CHODL: variants seen among roughly 807,000 people sequenced by gnomAD.
CHODL encodes the protein transmembrane protein MT75.
A neutral mutation model predicts 34.5 loss-of-function variants in CHODL; 29 were observed. That is an observed-to-expected ratio of 0.84 (90% confidence interval 0.63 to 1.15). The LOEUF (loss-of-function observed/expected upper bound fraction) is 1.15, where lower values mean the gene tolerates loss of function less well. Among genes scored for constraint, CHODL ranks in the 50% most tolerant of loss-of-function variants. The probability of loss-of-function intolerance (pLI) is 0.00; values close to 1 mark genes in which losing one functional copy is unlikely to be tolerated. For synonymous variants in CHODL, 125 were observed against 116.1 expected (o/e 1.08, Z -0.49); for missense variants, 332 against 332.5 (o/e 1.00, Z 0.01).
intron 1 of CHODL, among the ~76,000 whole-genome samples, chr21:17,923,343 G>GT (rs1431761624): frequency 6.6e-6 from 1 of 151,162 alleles, no homozygotes; most frequent in Non-Finnish European, 1.5e-5. Flanking sequence ...TGAGGTAGGT[G>GT]TAAGCATGGG....
chr21:18,180,068 C>T (rs1228377144), intron 2 of CHODL, among the ~76,000 whole-genome samples: 1 of 152,086 alleles, frequency 6.6e-6, no homozygotes. Context: ...ATTAAATGAG[C>T]TGACTCATGT....
At chr21:18,166,814 C>T (rs2073158853) in intron 2 of CHODL, among the ~76,000 whole-genome samples, 1 of 151,948 alleles carries the variant, frequency 6.6e-6, no homozygotes, top group South Asian at 2.1e-4. Context: ...CCATAGATTC[C>T]TTTTATTGTC....
intron 1 of CHODL, among the ~76,000 whole-genome samples, chr21:17,990,468 C>T (rs2063788324): frequency 6.6e-6 from 1 of 152,004 alleles, no homozygotes; most frequent in Non-Finnish European, 1.5e-5. Flanking sequence ...TTGCCTTTAG[C>T]CAAAATACTG....
intron 2 of CHODL, among the ~76,000 whole-genome samples, chr21:18,184,252 T>C (rs115251787): frequency 0.02 from 3,082 of 152,266 alleles, 116 homozygotes; most frequent in African/African-American, 0.068. Flanking sequence ...CTAATTTCAG[T>C]GTTTGAAAGT....
intron 2 of CHODL, among the ~76,000 whole-genome samples, chr21:18,136,617 G>A (rs75165153): frequency 0.08 from 12,115 of 151,182 alleles, 612 homozygotes; most frequent in Middle Eastern, 0.19. Flanking sequence ...GGGAGTGTGT[G>A]TGTGCGTGCG....
intron 2 of CHODL, among the ~76,000 whole-genome samples, chr21:18,054,318 A>T (rs1252464603): frequency 6.6e-6 from 1 of 151,762 alleles, no homozygotes; most frequent in East Asian, 1.9e-4. Context: ...TTCTACAAAC[A>T]TTTTTTTCTC....
At chr21:17,919,610 A>T (rs1282685279) in intron 1 of CHODL, among the ~76,000 whole-genome samples, 1 of 152,092 alleles carries the variant, frequency 6.6e-6, no homozygotes, top group Non-Finnish European at 1.5e-5. Flanking sequence ...GGCTGCCACA[A>T]ACCACAAAGG....
rs191846208 is a variant in CHODL at position 18,202,397 on chromosome 21, A to G, written c.-44-54112A>G. On this transcript the variant is annotated intron_variant, in intron 2 of 6. Coordinates refer to the CHODL transcript ENST00000400127. The stretch of plus-strand genomic sequence containing the variant: ...GTTCACAGGGTAGAACCCTAACTCA[A>G]TAGAATTAGTTTCCTTATGAAAAGA... Among the ~76,000 whole-genome samples the G allele has an allele frequency of 3.9e-5, 6 of 152,296 alleles. No homozygotes were observed. In the East Asian group the frequency reaches 1.2e-3, roughly 29 times the overall value.
intron 1 of CHODL, among the ~76,000 whole-genome samples, chr21:17,976,270 G>GGAA (rs2063661647): frequency 1.5e-5 from 1 of 66,536 alleles, no homozygotes; most frequent in Non-Finnish European, 3.2e-5. Context: ...GACCATCTCA[G>GGAA]AAAAAAAAAA....
chr21:18,094,636 C>A (rs879433797), intron 2 of CHODL, among the ~76,000 whole-genome samples: 1 of 150,402 alleles, frequency 6.6e-6, no homozygotes, highest in Non-Finnish European at 1.5e-5. Context: ...AGAAGGAAAT[C>A]GAAAACTTTC....
intron 1 of CHODL, among the ~76,000 whole-genome samples, chr21:17,998,546 A>C (rs1341571616): frequency 2.6e-5 from 4 of 152,020 alleles, no homozygotes; most frequent in African/African-American, 9.7e-5. Context: ...CCCCTGCAGC[A>C]AACTTTTGCC....
chr21:18,005,148 C>T (rs1369469973), intron 1 of CHODL, among the ~76,000 whole-genome samples: 1 of 152,226 alleles, frequency 6.6e-6, no homozygotes, highest in Non-Finnish European at 1.5e-5. Context: ...AGCCTGAACG[C>T]TGTGGCCAGA....
chr21:17,980,536 G>A (rs185376623), intron 1 of CHODL, among the ~76,000 whole-genome samples: 23 of 152,262 alleles, frequency 1.5e-4, no homozygotes, highest in Non-Finnish European at 3.2e-4. Context: ...GCCTGTACTT[G>A]AAAACGTTGT....
At chr21:18,187,717 A>C (rs1213889808) in intron 2 of CHODL, among the ~76,000 whole-genome samples, 1 of 152,118 alleles carries the variant, frequency 6.6e-6, no homozygotes, top group Non-Finnish European at 1.5e-5. Context: ...GTTCTATTGC[A>C]AATCTCATTC....
rs1206176209 is a variant in CHODL at position 18,092,778 on chromosome 21, CAAAG to C, written c.-45+64811_-45+64814del. The stretch of plus-strand genomic sequence containing the variant: ...TTTGAAAATACAAAGTCAGAGGAGA[CAAAG>C]AAAAAAGAATACAAAACAGTAAAGC... On this transcript the variant is annotated intron_variant, in intron 2 of 6. Transcript: ENST00000400127. 2.6e-5 allele frequency among the ~76,000 whole-genome samples: 4 copies of C among 151,696 alleles called. No individual in the cohort carries two copies. In the East Asian group the frequency reaches 5.8e-4, roughly 22 times the overall value.
intron 2 of CHODL, among the ~76,000 whole-genome samples, chr21:18,154,182 G>GT (rs1385075467): frequency 6.6e-6 from 1 of 152,154 alleles, no homozygotes; most frequent in East Asian, 1.9e-4. Context: ...AAAGGCTTAT[G>GT]TATTATACAT....
intron 2 of CHODL, among the ~76,000 whole-genome samples, chr21:18,101,048 G>A (rs1419392055): frequency 2.0e-5 from 3 of 152,122 alleles, no homozygotes; most frequent in East Asian, 1.9e-4. Flanking sequence ...ATCTCATCTT[G>A]TAGCTCAATG....
chr21:18,218,989 C>G (rs2207382), intron 2 of CHODL, among the ~76,000 whole-genome samples: 41,272 of 152,038 alleles, frequency 0.27, 6,257 homozygotes, highest in African/African-American at 0.42. Context: ...CTTAGAAGTT[C>G]CAAACTTTCC....
At chr21:18,157,072 G>T (rs1157572554) in intron 2 of CHODL, among the ~76,000 whole-genome samples, 1 of 152,106 alleles carries the variant, frequency 6.6e-6, no homozygotes, top group Non-Finnish European at 1.5e-5. Context: ...GAAGCTATGT[G>T]GTACCACTCC....
Sources: gnomAD v4.1 joint callset for allele counts (sites outside exome capture counted in the v4.1 genomes callset) on GRCh38, gnomAD v4.1.1 for gene constraint, MANE v1.5 for transcripts, NCBI Gene and HGNC (gene_info 2026-07-23, HGNC 2026-07-21) for gene names.